TBXAS1: variants seen among roughly 807,000 people sequenced by gnomAD.
TBXAS1 encodes thromboxane A synthase 1.
Under a neutral mutation model 60.7 loss-of-function variants are expected in TBXAS1, and 48 were observed. The observed-to-expected ratio is 0.79, with a 90% CI of 0.63 to 1.01. TBXAS1 has a LOEUF of 1.01. TBXAS1 is among the 50% of genes least tolerant of loss of function. The pLI is 0.00. For synonymous variants in TBXAS1, 287 were observed against 269.7 expected, an observed-to-expected ratio of 1.06 and a Z score of -0.63; for missense variants, 685 against 686.3, an observed-to-expected ratio of 1.00 and a Z score of 0.02.
At chr7:139,783,502 G>A (rs1355445900) in intron 3 of TBXAS1, among the ~76,000 whole-genome samples, 1 of 152,160 alleles carries the variant, frequency 6.6e-6, no homozygotes, top group African/African-American at 2.4e-5. Context: ...ACCCAACCCT[G>A]CAGAGAAATT....
At chr7:139,821,484 C>T (rs1585554677) in intron 4 of TBXAS1, among the ~76,000 whole-genome samples, 1 of 152,300 alleles carries the variant, frequency 6.6e-6, no homozygotes, top group East Asian at 1.9e-4. Flanking sequence ...GGTCCCTGCC[C>T]TCAAGACTAA....
At chr7:139,976,412 A>G (rs1584989786) in intron 9 of TBXAS1, among the ~76,000 whole-genome samples, 1 of 152,184 alleles carries the variant, frequency 6.6e-6, no homozygotes, top group Non-Finnish European at 1.5e-5. Context: ...GGCCACCCTC[A>G]CCAAATTCCC....
intron 3 of TBXAS1, among the ~76,000 whole-genome samples, chr7:139,784,617 A>G (rs1797127287): frequency 6.6e-6 from 1 of 152,242 alleles, no homozygotes; most frequent in Non-Finnish European, 1.5e-5. Context: ...GTAAGAAATT[A>G]TAATATTGCT....
chr7:139,906,435 G>GCATAT (rs905677801), intron 3 of TBXAS1, among the ~76,000 whole-genome samples: 1 of 151,960 alleles, frequency 6.6e-6, no homozygotes, highest in Non-Finnish European at 1.5e-5. Context: ...TATCAGTTGA[G>GCATAT]CATATATATG....
At chr7:139,884,169 G>T (rs1323798494) in intron 3 of TBXAS1, among the ~76,000 whole-genome samples, 4 of 152,242 alleles carry the variant, frequency 2.6e-5, no homozygotes, top group African/African-American at 9.6e-5. Context: ...CCGAACTCCA[G>T]TGGAAGCACT....
chr7:139,980,458 G>A (rs1310301382), intron 9 of TBXAS1, among the ~76,000 whole-genome samples: 1 of 152,086 alleles, frequency 6.6e-6, no homozygotes, highest in African/African-American at 2.4e-5. Flanking sequence ...GCACCTCCCT[G>A]TTGTCCATGT....
chr7:139,878,757 T>C (rs1311954414), intron 3 of TBXAS1, among the ~76,000 whole-genome samples: 1 of 152,242 alleles, frequency 6.6e-6, no homozygotes, highest in East Asian at 1.9e-4. Flanking sequence ...TAATTTAAAT[T>C]ACATTAGTTT....
At chr7:139,798,448 C>T (rs527238672) in intron 4 of TBXAS1, among the ~76,000 whole-genome samples, 1 of 152,292 alleles carries the variant, frequency 6.6e-6, no homozygotes, top group Non-Finnish European at 1.5e-5. Flanking sequence ...AACTGCCTAA[C>T]ATATGGCTCA....
At chr7:140,000,704 C>T (rs1484981799) in intron 9 of TBXAS1, among the ~76,000 whole-genome samples, 1 of 151,960 alleles carries the variant, frequency 6.6e-6, no homozygotes, top group Non-Finnish European at 1.5e-5. Flanking sequence ...CCATGTTTCC[C>T]AATATTTAAT....
chr7:139,984,618 G>A (rs67769208), intron 9 of TBXAS1, among the ~76,000 whole-genome samples: 19,997 of 75,418 alleles, frequency 0.27, 2,257 homozygotes, highest in East Asian at 0.37. Context: ...GAAAGAAAGA[G>A]AGAGAGAGAG....
intron 3 of TBXAS1, among the ~76,000 whole-genome samples, chr7:139,893,045 CCCTG>C (rs1803769257): frequency 6.6e-6 from 1 of 152,042 alleles, no homozygotes; most frequent in Non-Finnish European, 1.5e-5. Context: ...ATTATTTTTT[CCCTG>C]CCTCTGATTT....
intron 10 of TBXAS1, among the ~76,000 whole-genome samples, chr7:140,011,623 T>C (rs1383494239): frequency 6.6e-6 from 1 of 152,046 alleles, no homozygotes; most frequent in East Asian, 1.9e-4. Context: ...CAGGACTCAC[T>C]CAGAGGAGCC....
chr7:139,789,138 TA>T (rs1797295097), intron 4 of TBXAS1: 1 of 152,264 alleles, frequency 6.6e-6, no homozygotes, highest in Non-Finnish European at 1.5e-5. Context: ...CCACTAGATA[TA>T]CATATTCACT....
chr7:139,802,575 A>C (rs1797748249), intron 4 of TBXAS1, among the ~76,000 whole-genome samples: 2 of 152,218 alleles, frequency 1.3e-5, no homozygotes, highest in South Asian at 4.1e-4. Flanking sequence ...ACCTGAGGTT[A>C]GGAGTTCAAG....
In TBXAS1 at chr7:139,975,574, G is replaced by C. The variant is rs534753416; in HGVS notation, c.1134+13341G>C. On this transcript the variant is annotated intron_variant, in intron 9 of 12. Coordinates refer to ENST00000448866, the MANE Select transcript of TBXAS1 (RefSeq NM_001061.7). The surrounding 1 kb of genome is among the most constrained non-coding windows in gnomAD (Gnocchi z 4.4). Reference sequence around the variant, plus strand: ...GCTGTGTCTGCACTGCATCTTCACAGCACTGAGAAAATGCCAGTCATTCAG... The same window carrying C: ...GCTGTGTCTGCACTGCATCTTCACACCACTGAGAAAATGCCAGTCATTCAG... Among the ~76,000 whole-genome samples the C allele has an allele frequency of 3.9e-5, 6 of 152,214 alleles. No individual in the cohort carries two copies. The highest frequency in any genetic ancestry group is 1.4e-4 in the African/African-American group (6 of 41,544).
intron 3 of TBXAS1, among the ~76,000 whole-genome samples, chr7:139,876,515 C>G (rs1026823128): frequency 2.0e-5 from 3 of 152,114 alleles, no homozygotes; most frequent in African/African-American, 7.2e-5. Context: ...TAAAGTTCTC[C>G]TGTGTTGCCG....
At chr7:140,008,814 T>G (rs1814295190) in intron 10 of TBXAS1, among the ~76,000 whole-genome samples, 2 of 152,160 alleles carry the variant, frequency 1.3e-5, no homozygotes, top group South Asian at 4.1e-4. Flanking sequence ...GTGTACATGT[T>G]AAAATGAAGT....
chr7:139,948,973 T>C lies in TBXAS1; in HGVS notation c.451-4395T>C, dbSNP rs528778803. 7.9e-5 allele frequency among the ~76,000 whole-genome samples: 12 copies of C among 152,368 alleles called. No individual in the cohort carries two copies. In the South Asian group the frequency reaches 2.1e-3, roughly 26 times the overall value. The stretch of plus-strand genomic sequence containing the variant: ...ATTGCTTTTTAAAACATTTTTCATA[T>C]TACATGCCCCATCTCATATCACATT... On this transcript the variant is annotated intron_variant, in intron 5 of 12. Coordinates refer to ENST00000448866, the MANE Select transcript of TBXAS1 (RefSeq NM_001061.7).
intron 7 of TBXAS1, among the ~76,000 whole-genome samples, chr7:139,956,713 T>G (rs947536038): frequency 6.6e-6 from 1 of 152,258 alleles, no homozygotes; most frequent in Non-Finnish European, 1.5e-5. Flanking sequence ...AGTCTCTTCC[T>G]GCACCCTTTC....
Sources: gnomAD v4.1 joint callset for allele counts (sites outside exome capture counted in the v4.1 genomes callset) on GRCh38, gnomAD v4.1.1 for gene constraint, Gnocchi (gnomAD v3.1) non-coding constraint, MANE v1.5 for transcripts, NCBI Gene and HGNC (gene_info 2026-07-23, HGNC 2026-07-21) for gene names.